The following CAPN5 variants were observed in gnomAD, a reference collection of about 807,000 sequenced individuals.
The protein encoded by CAPN5 is calpain-5.
In CAPN5, 54 loss-of-function variants were observed where a neutral mutation model predicts 73.0. The observed-to-expected ratio is 0.74, with a 90% CI of 0.59 to 0.93. The LOEUF is 0.93. Among genes scored for constraint, CAPN5 ranks in the 40% least tolerant of loss-of-function variants. The pLI, the probability that CAPN5 is intolerant of heterozygous loss-of-function variation, is 0.00. For missense variants in CAPN5, 785 were observed against 882.9 expected, an observed-to-expected ratio of 0.89 and a Z score of 1.41; for synonymous variants, 335 against 356.9, an observed-to-expected ratio of 0.94 and a Z score of 0.69.
At chr11:77,084,234 G>GCTGGGCCCAC (rs147354135) in intron 1 of CAPN5, among the ~76,000 whole-genome samples, 20,759 of 152,126 alleles carry the variant, frequency 0.14, 1,496 homozygotes, top group Middle Eastern at 0.22. Flanking sequence ...AGGGTGCTTG[G>GCTGGGCCCAC]CTGGGCCCAC....
intron 5 of CAPN5, 66 bp from the exon 6 acceptor site, chr11:77,115,329 C>A: frequency 7.3e-7 from 1 of 1,368,086 alleles, no homozygotes; most frequent in Non-Finnish European, 1.0e-6. Context: ...AGCCCTCCAG[C>A]ACCTGAGTCC....
chr11:77,122,478 A>G (rs1555042995), intron 11 of CAPN5, 98 bp from the exon 12 acceptor site: 1 of 1,062,092 alleles, frequency 9.4e-7, no homozygotes, highest in Non-Finnish European at 1.4e-6. Context: ...TCTCCATCTG[A>G]ATAACTGAGC....
Position 77,121,966 on chromosome 11 carries a change from G to A in CAPN5, c.1520G>A (p.Cys507Tyr). ...CGCCTGGATGAGCCCCCACACACCT[G>A]CTGGAGCTCCCTCTGTGGCTACCCC... ...ELRLDEPPHT[C>Y]WSSLCGYPQL... Residue 507 changes from cysteine to tyrosine, a missense_variant, in exon 11 of 13, where the codon TGC (cysteine) becomes TAC (tyrosine). By Grantham distance (194) the Cys-to-Tyr change is radical. Transcript: ENST00000648180. 1 of 1,558,290 alleles carries A rather than the reference G, an allele frequency of 6.4e-7. No individual in the cohort carries two copies. The highest frequency in any genetic ancestry group is 1.2e-5 in the South Asian group (1 of 84,294).
chr11:77,074,752 G>A (rs549927326), intron 1 of CAPN5, among the ~76,000 whole-genome samples: 3 of 152,304 alleles, frequency 2.0e-5, no homozygotes, highest in South Asian at 4.1e-4. Flanking sequence ...TCCTTCGGCC[G>A]GCACTGGGTG....
chr11:77,082,930 A>G (rs1483955093), intron 1 of CAPN5, among the ~76,000 whole-genome samples: 1 of 152,208 alleles, frequency 6.6e-6, no homozygotes, highest in Non-Finnish European at 1.5e-5. Flanking sequence ...TAATTCTTGT[A>G]GCCTAAATTG....
At chr11:77,074,541 C>T (rs2135408766) in intron 1 of CAPN5, among the ~76,000 whole-genome samples, 1 of 152,350 alleles carries the variant, frequency 6.6e-6, no homozygotes, top group African/African-American at 2.4e-5. Context: ...CAGCCCAAAT[C>T]GGGCACCAGC....
chr11:77,082,746 C>T (rs1371347751), intron 1 of CAPN5, among the ~76,000 whole-genome samples: 4 of 152,184 alleles, frequency 2.6e-5, no homozygotes, highest in Admixed American at 6.5e-5. Flanking sequence ...AGGAGTGGAC[C>T]CTCCCAGCAG....
At chr11:77,073,381 A>G (rs1292124845) in intron 1 of CAPN5, among the ~76,000 whole-genome samples, 1 of 152,162 alleles carries the variant, frequency 6.6e-6, no homozygotes, top group Non-Finnish European at 1.5e-5. Flanking sequence ...GCTTGCTTAC[A>G]GATGCTGCTT....
chr11:77,118,128 T>G, intron 7 of CAPN5, 29 bp from the exon 8 acceptor site: 1 of 1,583,380 alleles, frequency 6.3e-7, no homozygotes, highest in East Asian at 2.3e-5. Context: ...GTGGGGGAGG[T>G]ACCCTGCTCA....
chr11:77,098,228 C>G (rs1950235411), intron 3 of CAPN5, among the ~76,000 whole-genome samples: 1 of 76,400 alleles, frequency 1.3e-5, no homozygotes, highest in East Asian at 5.3e-4. Context: ...GGCAGGGGGG[C>G]TGACCCCCCC....
chr11:77,119,169 C>T lies in CAPN5; in HGVS notation c.1290+17C>T. The stretch of plus-strand genomic sequence containing the variant: ...ATCTACAAGGTGAGGCCAGCCGGGT[C>T]CCCTGCCGTGGGTGGGGAGAGGGAG... On this transcript the variant is annotated intron_variant, in intron 9 of 12. Coordinates refer to ENST00000648180, the MANE Select transcript of CAPN5 (RefSeq NM_004055.5). 2 of 1,600,144 alleles carry T rather than the reference C, an allele frequency of 1.2e-6. No individual in the cohort carries two copies. Among genetic ancestry groups the T allele is most frequent in the East Asian group, 2.3e-5 (1 of 44,172 alleles).
intron 12 of CAPN5, 57 bp downstream of exon 12, chr11:77,122,769 T>G: frequency 1.2e-6 from 2 of 1,604,178 alleles, no homozygotes; most frequent in East Asian, 4.5e-5. Flanking sequence ...GCTTCCCCAC[T>G]CAGGGGGACA....
At chr11:77,083,322 TCTTTC>T (rs1276565470) in intron 1 of CAPN5, among the ~76,000 whole-genome samples, 228 of 152,076 alleles carry the variant, frequency 1.5e-3, no homozygotes, top group African/African-American at 5.2e-3. Context: ...CGCGCTCGCC[TCTTTC>T]CTTTCCTGTC....
intron 1 of CAPN5, among the ~76,000 whole-genome samples, chr11:77,078,522 G>GT (rs1949996702): frequency 6.6e-6 from 1 of 152,044 alleles, no homozygotes; most frequent in Non-Finnish European, 1.5e-5. Context: ...TGTTCTTTTT[G>GT]TTTAAGATTG....
At chr11:77,070,004 A>G (rs886826461) in intron 1 of CAPN5, among the ~76,000 whole-genome samples, 3 of 152,078 alleles carry the variant, frequency 2.0e-5, no homozygotes, top group African/African-American at 7.2e-5. Flanking sequence ...CAAAGGGGCC[A>G]GGTCCCTTTG....
chr11:77,099,218 CG>C (rs1950254511), intron 3 of CAPN5, among the ~76,000 whole-genome samples: 1 of 78,072 alleles, frequency 1.3e-5, no homozygotes, highest in African/African-American at 5.5e-5. Flanking sequence ...GGATGGCGGC[CG>C]GGCGGAGACG....
At chr11:77,106,468 C>G (rs1278467452) in intron 3 of CAPN5, among the ~76,000 whole-genome samples, 1 of 152,108 alleles carries the variant, frequency 6.6e-6, no homozygotes, top group Non-Finnish European at 1.5e-5. Context: ...AAGAAACCTG[C>G]CTTTCCCTGA....
At chr11:77,105,971 C>T (rs963403373) in intron 3 of CAPN5, among the ~76,000 whole-genome samples, 1 of 152,168 alleles carries the variant, frequency 6.6e-6, no homozygotes, top group African/African-American at 2.4e-5. Flanking sequence ...GCCTGTGGAC[C>T]TTTGGCCCCA....
Position 77,105,755 on chromosome 11 carries a change from G to C in CAPN5, c.298-6834G>C, listed in dbSNP as rs942258906. Among the ~76,000 whole-genome samples the C allele has an allele frequency of 3.3e-5, 5 of 152,338 alleles. No homozygotes were observed. The South Asian group carries it at 1.0e-3, about 32-fold the overall frequency. The stretch of plus-strand genomic sequence containing the variant: ...GAATTGTCAAACCTGTGCTGGGCTA[G>C]ACTGACATGGGCAAGATGTAGCCCC... On this transcript the variant is annotated intron_variant, in intron 3 of 12. Coordinates refer to ENST00000648180, the MANE Select transcript of CAPN5 (RefSeq NM_004055.5).
Sources: gnomAD v4.1 joint callset for allele counts (sites outside exome capture counted in the v4.1 genomes callset) on GRCh38, gnomAD v4.1.1 for gene constraint, MANE v1.5 for transcripts, NCBI Gene and HGNC (gene_info 2026-07-23, HGNC 2026-07-21) for gene names.